Variants in VPS39 observed in about 807,000 individuals in gnomAD.
VPS39 encodes the protein vam6/Vps39-like protein.
Under a neutral mutation model 121.0 loss-of-function variants are expected in VPS39, and 70 were observed. That is an observed-to-expected ratio of 0.58 (90% confidence interval 0.48 to 0.71). The LOEUF is 0.71. Among genes scored for constraint, VPS39 ranks in the 30% least tolerant of loss-of-function variants. The probability of loss-of-function intolerance (pLI) is 0.00; values close to 1 mark genes in which losing one functional copy is unlikely to be tolerated. For synonymous variants in VPS39, 378 were observed against 398.1 expected (o/e 0.95, Z 0.60); for missense variants, 818 against 1,051.5 (o/e 0.78, Z 3.07).
At position 42,187,288 on chromosome 15, in the gene VPS39, C is replaced by T. The variant is rs749282546; in HGVS notation, c.517G>A (p.Asp173Asn). The change falls in exon 7 of 25, where the codon GAC becomes AAC. Residue 173 changes from aspartate to asparagine, a missense_variant. Physicochemically the swap from Asp to Asn is conservative, Grantham distance 23. Coordinates refer to ENST00000318006, the MANE Select transcript of VPS39 (RefSeq NM_015289.5). ...ENSICVGFKRDYYLIRVDGKG... is the reference protein window; with the variant it reads ...ENSICVGFKRNYYLIRVDGKG... ...GATTTTACCCTTATTAGGTAGTAGT[C>T]TCTCTTGAAACCCACACAGATAGAA... is the stretch of plus-strand genomic sequence containing the variant. 6.2e-7 allele frequency: 1 copy of T among 1,611,660 alleles called. No individual in the cohort carries two copies.
intron 5 of VPS39, among the ~76,000 whole-genome samples, chr15:42,188,208 G>T (rs1266653985): frequency 6.6e-6 from 1 of 152,096 alleles, no homozygotes; most frequent in Admixed American, 6.6e-5. Context: ...ATGCATGCTG[G>T]GTTAAGGGTG....
chr15:42,192,213 A>AATTATC (rs1555401179), intron 2 of VPS39: 2 of 979,246 alleles, frequency 2.0e-6, no homozygotes, highest in Non-Finnish European at 3.1e-6. Flanking sequence ...AAAAGAGAAT[A>AATTATC]ATTATCATCA....
intron 5 of VPS39, 72 bp from the exon 6 acceptor site, chr15:42,187,928 T>C (rs760363301): frequency 3.5e-5 from 50 of 1,418,186 alleles, no homozygotes; most frequent in Non-Finnish European, 4.7e-5. Flanking sequence ...AAATTAGAGA[T>C]TGTCTACCTT....
At chr15:42,166,352 C>A in intron 15 of VPS39, 120 bp from the exon 16 acceptor site, 1 of 1,200,062 alleles carries the variant, frequency 8.3e-7, no homozygotes, top group South Asian at 1.4e-5. Context: ...AAGCATGAGC[C>A]ACTTGGGGTT....
intron 8 of VPS39, among the ~76,000 whole-genome samples, chr15:42,183,990 A>G (rs369148432): frequency 1.0e-3 from 147 of 145,980 alleles, no homozygotes; most frequent in African/African-American, 3.6e-3. Flanking sequence ...GAACAGAAGC[A>G]CCTAATGCGT....
chr15:42,174,223 G>A (rs1001078010), intron 10 of VPS39, among the ~76,000 whole-genome samples: 9 of 151,918 alleles, frequency 5.9e-5, no homozygotes, highest in Non-Finnish European at 1.2e-4. Flanking sequence ...CTCCAGCCTG[G>A]GTGACAGAGT....
In VPS39 at chr15:42,204,677, TA is replaced by T. The variant is rs201826657; in HGVS notation, c.73+3403del. On this transcript the variant is annotated intron_variant, in intron 1 of 24. Coordinates refer to ENST00000318006, the MANE Select transcript of VPS39 (RefSeq NM_015289.5). ...AAAATAATAATGAAATAAAATAAAATAAAATAAAATTAAATTAAATTTTATT... is the reference window on the plus strand; with the variant it reads ...AAAATAATAATGAAATAAAATAAAATAAATAAAATTAAATTAAATTTTATT... 1.2e-4 allele frequency among the ~76,000 whole-genome samples: 19 copies of T among 152,156 alleles called. 1 individual carries two copies. The East Asian group carries it at 3.1e-3, about 25-fold the overall frequency.
intron 10 of VPS39, among the ~76,000 whole-genome samples, chr15:42,176,762 A>T (rs1452921979): frequency 1.3e-5 from 2 of 152,232 alleles, no homozygotes; most frequent in Non-Finnish European, 2.9e-5. Flanking sequence ...GGTAACTTAA[A>T]GTATCTGCAT....
At chr15:42,188,607 C>T (rs533855275) in intron 5 of VPS39, among the ~76,000 whole-genome samples, 1 of 152,262 alleles carries the variant, frequency 6.6e-6, no homozygotes, top group African/African-American at 2.4e-5. Flanking sequence ...CATTAACCCA[C>T]GCACAGGGAA....
chr15:42,186,420 G>A (rs868007504), intron 7 of VPS39, among the ~76,000 whole-genome samples: 6 of 152,146 alleles, frequency 3.9e-5, no homozygotes, highest in Non-Finnish European at 7.4e-5. Flanking sequence ...CCGCCTGGGT[G>A]ACAGAGGGGT....
At chr15:42,179,279 A>C (rs913974589) in intron 8 of VPS39, among the ~76,000 whole-genome samples, 1 of 151,546 alleles carries the variant, frequency 6.6e-6, no homozygotes, top group Non-Finnish European at 1.5e-5. Context: ...AAGTGGCGGG[A>C]GGGGGAAAGG....
At chr15:42,184,926 G>A (rs868732626) in intron 7 of VPS39, among the ~76,000 whole-genome samples, 13 of 152,248 alleles carry the variant, frequency 8.5e-5, no homozygotes, top group Admixed American at 2.6e-4. Flanking sequence ...GCCAGGTGCT[G>A]GCAAGAATGC....
intron 24 of VPS39, chr15:42,161,229 A>T (rs1245112558): frequency 3.2e-6 from 1 of 309,578 alleles, no homozygotes; most frequent in East Asian, 7.5e-5. Context: ...CAGCTACATA[A>T]GAGACAAATC....
At chr15:42,207,482 G>T (rs560522639) in intron 1 of VPS39, among the ~76,000 whole-genome samples, 1 of 152,190 alleles carries the variant, frequency 6.6e-6, no homozygotes, top group Admixed American at 6.5e-5. Flanking sequence ...TTTCAAGACA[G>T]TCTGGAAACT....
At chr15:42,197,223 G>GT (rs1445768577) in intron 2 of VPS39, among the ~76,000 whole-genome samples, 1 of 150,870 alleles carries the variant, frequency 6.6e-6, no homozygotes, top group Non-Finnish European at 1.5e-5. Flanking sequence ...TATACCTAAC[G>GT]TAAATGACGA....
chr15:42,170,741 A>AT (rs869280235), intron 11 of VPS39, among the ~76,000 whole-genome samples: 3,141 of 50,234 alleles, frequency 0.063, 663 homozygotes, highest in South Asian at 0.14. Flanking sequence ...ATGCTCGCAG[A>AT]TTTTTTTTTT....
chr15:42,161,985 A>G (rs928736273), intron 23 of VPS39, 47 bp downstream of exon 23: 7 of 1,611,818 alleles, frequency 4.3e-6, no homozygotes, highest in East Asian at 2.2e-5. Flanking sequence ...ATTGTCTCAT[A>G]CTAAAAGTTA....
chr15:42,164,385 G>A lies in VPS39; in HGVS notation c.1999C>T (p.Arg667Trp), dbSNP rs149377993. ...TCAAAGGGAAAATCACAGATGAGCC[G>A]GCCTGGATCATAGTAGCTGGAAATC... Reference protein sequence around the residue: ...LEISSYYDPGRLICDFPFDGL... With the variant: ...LEISSYYDPGWLICDFPFDGL... Residue 667 changes from arginine (R) to tryptophan (W), a missense_variant, in exon 19 of 25, where the codon CGG becomes TGG. Physicochemically the swap from Arg to Trp is moderately radical, Grantham distance 101. Coordinates refer to ENST00000318006, the MANE Select transcript of VPS39 (RefSeq NM_015289.5). 1.2e-5 allele frequency: 20 copies of A among 1,613,984 alleles called. No individual in the cohort carries two copies. Among genetic ancestry groups the A allele is most frequent in the South Asian group, 3.3e-5 (3 of 91,074 alleles).
chr15:42,186,883 G>A (rs76810245), intron 7 of VPS39, among the ~76,000 whole-genome samples: 4 of 152,136 alleles, frequency 2.6e-5, no homozygotes, highest in East Asian at 1.9e-4. Flanking sequence ...AAGATTTGAC[G>A]GCAGGAGAGG....
Sources: gnomAD v4.1 joint callset for allele counts (sites outside exome capture counted in the v4.1 genomes callset) on GRCh38, gnomAD v4.1.1 for gene constraint, MANE v1.5 for transcripts, NCBI Gene and HGNC (gene_info 2026-07-23, HGNC 2026-07-21) for gene names.